TDRKH: variants seen among roughly 807,000 people sequenced by gnomAD.
TDRKH encodes the protein tudor and KH domain-containing protein.
A neutral mutation model predicts 61.3 loss-of-function variants in TDRKH; 28 were observed. The observed-to-expected ratio is 0.46, with a 90% CI of 0.34 to 0.63. TDRKH has a LOEUF of 0.63. TDRKH is among the 20% of genes least tolerant of loss of function. The pLI, the probability that TDRKH is intolerant of heterozygous loss-of-function variation, is 0.01. For synonymous variants in TDRKH, 219 were observed against 244.4 expected (o/e 0.90, Z 0.97); for missense variants, 540 against 683.4 (o/e 0.79, Z 2.34).
intron 3 of TDRKH, among the ~76,000 whole-genome samples, chr1:151,781,107 G>A (rs1160826408): frequency 6.6e-6 from 1 of 151,390 alleles, no homozygotes; most frequent in Non-Finnish European, 1.5e-5. Context: ...CCTGAGGTCA[G>A]GAGTTCGAGA....
At chr1:151,771,246 G>A (rs1378240425), downstream of TDRKH, 10 of 1,606,588 alleles carry the variant, frequency 6.2e-6, no homozygotes, top group East Asian at 2.2e-5. Flanking sequence ...GCTTTGAGGG[G>A]CTGGAAGCCT....
In TDRKH at chr1:151,775,882, C is replaced by T. The variant is rs1236315308; in HGVS notation, c.1220G>A (p.Ser407Asn). 5 of 1,612,122 alleles carry T rather than the reference C, an allele frequency of 3.1e-6. No individual in the cohort carries two copies. Among genetic ancestry groups the T allele is most frequent in the Non-Finnish European group, 1.7e-6 (2 of 1,178,284 alleles). Residue 407 changes from serine (S) to asparagine (N), a missense_variant and splice_region_variant, in exon 9 of 13, where the codon AGT becomes AAT. Physicochemically the swap from Ser to Asn is conservative, Grantham distance 46. Around this residue, in one of 3 missense-constraint regions of TDRKH, gnomAD observed 379 missense variants for 443.8 expected, o/e 0.85. Transcript: ENST00000368824. Reference protein sequence around the residue: ...CPLKDLRALRSDFLSLPFQAI... With the variant: ...CPLKDLRALRNDFLSLPFQAI... ...TTGAAATGGAAGGCTTAGGAAGTCA[C>T]TCCTGAAGTAAAAGAAACTAAAATT...
chr1:151,782,723 T>C (rs779122694), intron 2 of TDRKH, 176 bp downstream of exon 2: 1 of 656,360 alleles, frequency 1.5e-6, no homozygotes, highest in South Asian at 2.7e-5. Context: ...TGAGCCAAGA[T>C]TGTGCCACTG....
In TDRKH at chr1:151,781,328, A is replaced by AATATATAT. The variant is rs60652277; in HGVS notation, c.231+145_231+152dup. On this transcript the variant is annotated intron_variant, in intron 3 of 12. Coordinates refer to ENST00000368824, the MANE Select transcript of TDRKH (RefSeq NM_001083965.2). ...GCGAAACTCCATCTCAAAAAAAAAA[A>AATATATAT]ATATATATATATATATTTTATATAT... Among the ~76,000 whole-genome samples, 54 of 68,586 alleles carry AATATATAT rather than the reference A, an allele frequency of 7.9e-4. 5 individuals are homozygous for AATATATAT. The highest frequency in any genetic ancestry group is 1.3e-3 in the Non-Finnish European group (37 of 29,282). The allele number at this position is 68,586 out of a possible 152,430, so 45.0% of individuals were successfully genotyped here. A position where few individuals can be genotyped will look rare whatever the true frequency, so the allele number is the denominator to read the frequency against.
intron 1 of TDRKH, among the ~76,000 whole-genome samples, chr1:151,788,463 T>C (rs1650561553): frequency 6.6e-6 from 1 of 152,174 alleles, no homozygotes; most frequent in Non-Finnish European, 1.5e-5. Flanking sequence ...TCTAGCCCTG[T>C]GAACAAGAAT....
intron 3 of TDRKH, among the ~76,000 whole-genome samples, 157 bp downstream of exon 3, chr1:151,781,324 A>ATATATATATATATATATATATATATAT (rs1558145922): frequency 1.8e-3 from 34 of 18,820 alleles, no homozygotes; most frequent in African/African-American, 2.5e-3. Context: ...TCTCAAAAAA[A>ATATATATATATATATATATATATATAT]AAAAATATAT....
intron 8 of TDRKH, 77 bp downstream of exon 8, chr1:151,776,017 CCT>C: frequency 1.3e-6 from 2 of 1,574,670 alleles, no homozygotes; most frequent in South Asian, 1.2e-5. Flanking sequence ...TCCAAATCCC[CCT>C]GACAACTGCC....
intron 3 of TDRKH, among the ~76,000 whole-genome samples, chr1:151,780,577 G>A (rs756183911): frequency 6.6e-5 from 10 of 152,142 alleles, no homozygotes; most frequent in African/African-American, 9.7e-5. Context: ...TTGACCAGGC[G>A]CGGTGGCTCA....
chr1:151,774,073 T>G lies in TDRKH; in HGVS notation c.*379A>C, dbSNP rs1307629841. The G allele has an allele frequency of 2.4e-5, 5 of 211,244 alleles. No homozygotes were observed. In the South Asian group the frequency reaches 4.0e-4, roughly 17 times the overall value. 13.1% of individuals were successfully genotyped at this position (211,244 alleles called of 1,614,324 possible). On this transcript the variant is annotated 3_prime_UTR_variant, in exon 13 of 13. Coordinates refer to ENST00000368824, the MANE Select transcript of TDRKH (RefSeq NM_001083965.2). The stretch of plus-strand genomic sequence containing the variant: ...CGGAGGTGGAATGGGGGAGACACAC[T>G]TGTAGCGTGGTAGTCCAATTTTTTT...
Position 151,783,066 on chromosome 1 carries a change from A to C in TDRKH, c.-27-17T>G. The stretch of plus-strand genomic sequence containing the variant: ...ACTTATATCCTGAAACAAGCAAAGC[A>C]GGGAAAAGAGGGAGGTTTCATCCAA... On this transcript the variant is annotated splice_polypyrimidine_tract_variant and intron_variant, in intron 1 of 12. Coordinates refer to ENST00000368824, the MANE Select transcript of TDRKH (RefSeq NM_001083965.2). 1 of 1,595,660 alleles carries C rather than the reference A, an allele frequency of 6.3e-7. No homozygotes were observed. Among genetic ancestry groups the C allele is most frequent in the Non-Finnish European group, 8.5e-7 (1 of 1,172,146 alleles).
chr1:151,767,826 AGTC>A, downstream of TDRKH: 2 of 552,528 alleles, frequency 3.6e-6, no homozygotes, highest in Non-Finnish European at 6.3e-6. Context: ...CCTGGGTTGA[AGTC>A]AACAGGCAGT....
chr1:151,784,205 G>A (rs1384984348), intron 1 of TDRKH, among the ~76,000 whole-genome samples: 3 of 152,174 alleles, frequency 2.0e-5, no homozygotes, highest in African/African-American at 7.2e-5. Flanking sequence ...AACTGTCTCT[G>A]CTCCTAGCAC....
chr1:151,771,166 A>T (rs1354164515), downstream of TDRKH: 2 of 1,613,616 alleles, frequency 1.2e-6, no homozygotes, highest in African/African-American at 2.7e-5. Flanking sequence ...TGTCATCTTT[A>T]TGGTGTATCC....
At chr1:151,767,037 T>C (rs532692966), downstream of TDRKH, 35 of 1,437,222 alleles carry the variant, frequency 2.4e-5, no homozygotes, top group African/African-American at 4.7e-4. Context: ...TCCATCTGGT[T>C]GGGCCCAGGA....
At chr1:151,771,116 T>A, downstream of TDRKH, 1 of 1,608,630 alleles carries the variant, frequency 6.2e-7, no homozygotes, top group Non-Finnish European at 8.5e-7. Context: ...GGCTTTGAGG[T>A]GGTCAGACCA....
chr1:151,781,324 AAAAAATAT>A (rs995491100), intron 3 of TDRKH, among the ~76,000 whole-genome samples, 149 bp downstream of exon 3: 7 of 18,828 alleles, frequency 3.7e-4, no homozygotes, highest in African/African-American at 5.7e-4. Context: ...TCTCAAAAAA[AAAAAATAT>A]ATATATATAT....
chr1:151,783,196 C>T (rs988508765), intron 1 of TDRKH, 147 bp from the exon 2 acceptor site: 5 of 617,986 alleles, frequency 8.1e-6, no homozygotes, highest in Middle Eastern at 5.0e-4. Flanking sequence ...AAATTTATTT[C>T]ATATAAAAAG....
intron 9 of TDRKH, 59 bp downstream of exon 9, chr1:151,775,761 G>T: frequency 6.4e-7 from 1 of 1,567,952 alleles, no homozygotes; most frequent in South Asian, 1.1e-5. Context: ...TCCTTCCAAT[G>T]AACTGTATGA....
chr1:151,784,870 T>TA (rs1431411600), intron 1 of TDRKH, among the ~76,000 whole-genome samples: 1 of 151,862 alleles, frequency 6.6e-6, no homozygotes. Context: ...ATCTCAAACT[T>TA]AACACTGAGC....
Sources: gnomAD v4.1 joint callset for allele counts (sites outside exome capture counted in the v4.1 genomes callset) on GRCh38, gnomAD v4.1.1 for gene constraint, gnomAD v4.1.1 regional missense constraint, MANE v1.5 for transcripts, NCBI Gene and HGNC (gene_info 2026-07-23, HGNC 2026-07-21) for gene names.